LAMB1: variants seen among roughly 807,000 people sequenced by gnomAD.
LAMB1 encodes laminin subunit beta 1, also known as laminin subunit beta-1.
A neutral mutation model predicts 222.3 loss-of-function variants in LAMB1; 121 were observed. That is an observed-to-expected ratio of 0.54 (90% CI 0.47 to 0.63). LAMB1 has a LOEUF of 0.63. Among genes scored for constraint, LAMB1 ranks in the 30% least tolerant of loss-of-function variants. The pLI, the probability that LAMB1 is intolerant of heterozygous loss-of-function variation, is 0.00. For missense variants in LAMB1, 2,172 were observed against 2,240.8 expected (o/e 0.97, Z 0.62); for synonymous variants, 794 against 807.2 (o/e 0.98, Z 0.28).
At chr7:107,960,006 C>G (rs550294547) in intron 18 of LAMB1, among the ~76,000 whole-genome samples, 172 bp from the exon 19 acceptor site, 355 of 152,324 alleles carry the variant, frequency 2.3e-3, no homozygotes, top group Non-Finnish European at 4.2e-3. Flanking sequence ...CAGATCAAAA[C>G]AGTTTTTCTA....
chr7:107,959,620 A>G, intron 19 of LAMB1, 71 bp downstream of exon 19: 1 of 1,613,772 alleles, frequency 6.2e-7, no homozygotes, highest in Non-Finnish European at 8.5e-7. Context: ...TCGGCTCTGC[A>G]GCAATGGAAC....
At chr7:107,961,380 T>C (rs1473959202) in intron 16 of LAMB1, 51 bp from the exon 17 acceptor site, 4 of 1,596,468 alleles carry the variant, frequency 2.5e-6, no homozygotes, top group Non-Finnish European at 3.4e-6. Flanking sequence ...CCTTCATGCA[T>C]CCAAAAAATA....
intron 9 of LAMB1, among the ~76,000 whole-genome samples, chr7:107,977,569 C>G (rs1289307209): frequency 6.6e-6 from 1 of 152,062 alleles, no homozygotes; most frequent in Non-Finnish European, 1.5e-5. Flanking sequence ...GGGTAGATCA[C>G]TTGAGGTCAG....
intron 13 of LAMB1, among the ~76,000 whole-genome samples, chr7:107,972,598 AAG>A (rs2033771198): frequency 6.6e-6 from 1 of 151,732 alleles, no homozygotes; most frequent in Admixed American, 6.6e-5. Flanking sequence ...AAAAAAAAAA[AAG>A]AAAAAAAGAA....
chr7:107,978,420 T>C (rs1394322027), intron 8 of LAMB1, among the ~76,000 whole-genome samples: 3 of 146,074 alleles, frequency 2.1e-5, no homozygotes, highest in Non-Finnish European at 3.0e-5. Flanking sequence ...TGAGTATCTA[T>C]GAAAAGAACC....
rs542711031 is a variant in LAMB1 at position 107,957,110 on chromosome 7, C to G, written c.2691-1480G>C. Among the ~76,000 whole-genome samples, 21 of 152,298 alleles carry G rather than the reference C, an allele frequency of 1.4e-4. No individual in the cohort carries two copies. The South Asian group carries it at 3.9e-3, about 29-fold the overall frequency. On this transcript the variant is annotated intron_variant, in intron 20 of 33. Coordinates refer to ENST00000222399, the MANE Select transcript of LAMB1 (RefSeq NM_002291.3). ...ACTTATGAAAAGCTGGATATTCCGG[C>G]CAGGTGCGGTGGCTCACCCCTGTAA...
chr7:107,953,359 T>TAA (rs11368241), intron 22 of LAMB1, among the ~76,000 whole-genome samples, 171 bp downstream of exon 22: 3 of 143,900 alleles, frequency 2.1e-5, no homozygotes, highest in African/African-American at 2.6e-5. Flanking sequence ...TCTGTCTCAT[T>TAA]AAAAAAAAAA....
chr7:107,968,360 A>T (rs968887853), intron 13 of LAMB1, among the ~76,000 whole-genome samples: 1 of 152,218 alleles, frequency 6.6e-6, no homozygotes, highest in Admixed American at 6.5e-5. Context: ...GAGAATAAGG[A>T]CATAAAATAA....
chr7:107,947,139 GT>G (rs1337999857), intron 24 of LAMB1, among the ~76,000 whole-genome samples: 2 of 152,168 alleles, frequency 1.3e-5, no homozygotes, highest in Non-Finnish European at 2.9e-5. Flanking sequence ...TGGTGGGCTT[GT>G]TCAGGCTTGG....
At chr7:107,980,943 T>A in intron 7 of LAMB1, 132 bp from the exon 8 acceptor site, 1 of 607,304 alleles carries the variant, frequency 1.6e-6, no homozygotes, top group South Asian at 2.0e-5. Context: ...TCTTGTATGA[T>A]CTAGATGACT....
rs543262374 is a variant in LAMB1, at chr7:107,986,105, T to C, written c.613-20A>G. On this transcript the variant is annotated intron_variant, in intron 6 of 33. Transcript: ENST00000222399. ...TATCACCTAAAAATGGAAACAAGAG[T>C]AATTGGTACTTCTGCAATAATCAAA... 1 of 1,610,718 alleles carries C rather than the reference T, an allele frequency of 6.2e-7. No individual in the cohort carries two copies. The highest frequency in any genetic ancestry group is 1.1e-5 in the South Asian group (1 of 90,968).
intron 24 of LAMB1, chr7:107,940,583 G>C: frequency 1.8e-6 from 1 of 554,044 alleles, no homozygotes; most frequent in South Asian, 2.3e-5. Flanking sequence ...AAACAGAAAT[G>C]TTTTATATGA....
At chr7:107,961,960 A>G (rs1171195318) in intron 15 of LAMB1, among the ~76,000 whole-genome samples, 3 of 152,114 alleles carry the variant, frequency 2.0e-5, no homozygotes, top group Non-Finnish European at 4.4e-5. Flanking sequence ...AAATGCTTCA[A>G]TAGCTTCCTG....
rs2033588030 is a variant in LAMB1 at position 107,964,596 on chromosome 7, G to A, written c.1654C>T (p.Leu552=). ...TCCGCTTCATAGAGGTAGTGATCCA[G>A]GGTGGCAAAGTAGTAACCAGGTTCC... ...EVEPGYYFAT[L]DHYLYEAEEA... is the part of the protein sequence containing the mutation. The change falls in exon 14 of 34, where the codon CTG becomes TTG. Residue 552 remains leucine (L), a synonymous_variant. Coordinates refer to ENST00000222399, the MANE Select transcript of LAMB1 (RefSeq NM_002291.3). 2 of 1,614,168 alleles carry A rather than the reference G, an allele frequency of 1.2e-6. No homozygotes were observed. The highest frequency in any genetic ancestry group is 1.1e-5 in the South Asian group (1 of 91,074).
At chr7:107,948,393 A>G (rs2033174490) in intron 24 of LAMB1, among the ~76,000 whole-genome samples, 1 of 152,212 alleles carries the variant, frequency 6.6e-6, no homozygotes, top group Non-Finnish European at 1.5e-5. Flanking sequence ...CATGAAAAAA[A>G]CAAAACTAAA....
chr7:107,975,678 T>C lies in LAMB1; in HGVS notation c.1189+11A>G, dbSNP rs111256901. 2.7e-4 allele frequency: 428 copies of C among 1,604,678 alleles called. 3 individuals carry two copies. In the African/African-American group the frequency reaches 4.8e-3, roughly 18 times the overall value. ...TAGGTCCCACACAGTGAGTGACATT[T>C]CTCAACATACGTTCACAGAAATTAG... On this transcript the variant is annotated intron_variant, in intron 10 of 33. Coordinates refer to ENST00000222399, the MANE Select transcript of LAMB1 (RefSeq NM_002291.3).
intron 9 of LAMB1, 115 bp downstream of exon 9, chr7:107,977,932 A>G: frequency 8.4e-7 from 1 of 1,190,154 alleles, no homozygotes; most frequent in African/African-American, 1.5e-5. Context: ...AAGCTGGAAA[A>G]AAGACAGTAA....
At chr7:107,949,598 T>G (rs1308232026) in intron 24 of LAMB1, among the ~76,000 whole-genome samples, 1 of 152,204 alleles carries the variant, frequency 6.6e-6, no homozygotes, top group Non-Finnish European at 1.5e-5. Flanking sequence ...GGATGTCAGA[T>G]CTCATTAAGA....
At chr7:107,941,818 C>T (rs977382026) in intron 24 of LAMB1, among the ~76,000 whole-genome samples, 1 of 138,508 alleles carries the variant, frequency 7.2e-6, no homozygotes, top group Non-Finnish European at 1.5e-5. Context: ...GCCACCACAC[C>T]CGGCTTTTTT....
Sources: gnomAD v4.1 joint callset for allele counts (sites outside exome capture counted in the v4.1 genomes callset) on GRCh38, gnomAD v4.1.1 for gene constraint, MANE v1.5 for transcripts, NCBI Gene and HGNC (gene_info 2026-07-23, HGNC 2026-07-21) for gene names.